The following LYPD6 variants were observed in gnomAD, a reference collection of about 807,000 sequenced individuals.
LYPD6 encodes ly6/PLAUR domain-containing protein 6.
In LYPD6, 15 loss-of-function variants were observed where a neutral mutation model predicts 22.7. The ratio of observed to expected loss-of-function variants is 0.66; its 90% CI spans 0.44 to 1.02. LYPD6 has a LOEUF of 1.02. Among genes scored for constraint, LYPD6 ranks in the 50% least tolerant of loss-of-function variants. LYPD6 has a pLI of 0.00. For synonymous variants in LYPD6, 72 were observed against 77.5 expected, an observed-to-expected ratio of 0.93 and a Z score of 0.37; for missense variants, 189 against 208.4, an observed-to-expected ratio of 0.91 and a Z score of 0.57.
At chr2:149,358,555 A>T (rs1415641771) in intron 1 of LYPD6, among the ~76,000 whole-genome samples, 3 of 152,156 alleles carry the variant, frequency 2.0e-5, no homozygotes, top group African/African-American at 4.8e-5. Flanking sequence ...AATTGGGGGA[A>T]GTTGTTTGTT....
intron 1 of LYPD6, among the ~76,000 whole-genome samples, chr2:149,379,135 C>T (rs1682002464): frequency 6.6e-6 from 1 of 152,154 alleles, no homozygotes; most frequent in African/African-American, 2.4e-5. Flanking sequence ...GGCAGGAGGG[C>T]TGTGCATCTG....
chr2:149,416,421 C>T (rs143548627), intron 1 of LYPD6, among the ~76,000 whole-genome samples: 41 of 152,210 alleles, frequency 2.7e-4, no homozygotes, highest in African/African-American at 9.1e-4. Flanking sequence ...TGGGTTGCCT[C>T]GGTTTCATAT....
chr2:149,360,370 A>T (rs1681548599), intron 1 of LYPD6, among the ~76,000 whole-genome samples: 1 of 152,188 alleles, frequency 6.6e-6, no homozygotes, highest in South Asian at 2.1e-4. Flanking sequence ...AGTAGGTCTC[A>T]GCCTTATTTT....
chr2:149,380,831 T>G (rs943033896), intron 1 of LYPD6, among the ~76,000 whole-genome samples: 1 of 152,176 alleles, frequency 6.6e-6, no homozygotes, highest in African/African-American at 2.4e-5. Flanking sequence ...GTTTAAGGAC[T>G]GACCTTTGGG....
intron 1 of LYPD6, among the ~76,000 whole-genome samples, chr2:149,367,254 A>G (rs910291988): frequency 1.3e-5 from 2 of 152,162 alleles, no homozygotes; most frequent in African/African-American, 4.8e-5. Flanking sequence ...CAACCGGGAA[A>G]GATCCACTTC....
At chr2:149,465,488 A>G (rs1681179855) in intron 3 of LYPD6, among the ~76,000 whole-genome samples, 1 of 152,170 alleles carries the variant, frequency 6.6e-6, no homozygotes. Context: ...TGCACCTGGA[A>G]AATTATTCTC....
chr2:149,483,727 G>A, the LYPD6 span, among the ~76,000 whole-genome samples: 3 of 152,272 alleles, frequency 2.0e-5, no homozygotes, highest in Admixed American at 1.3e-4. Flanking sequence ...ATATATCAAA[G>A]CATTACATTG....
the LYPD6 span, among the ~76,000 whole-genome samples, chr2:149,485,894 C>T: frequency 6.6e-6 from 1 of 152,100 alleles, no homozygotes; most frequent in Non-Finnish European, 1.5e-5. Flanking sequence ...AAAGGAGCCA[C>T]CTAATCCCGC....
chr2:149,342,197 G>A (rs777117800), intron 1 of LYPD6, among the ~76,000 whole-genome samples: 38 of 152,090 alleles, frequency 2.5e-4, no homozygotes, highest in Non-Finnish European at 3.2e-4. Context: ...TTACCCTGGG[G>A]AAGGCACAAA....
At chr2:149,392,791 T>C (rs548266264) in intron 1 of LYPD6, among the ~76,000 whole-genome samples, 97 of 152,240 alleles carry the variant, frequency 6.4e-4, no homozygotes, top group African/African-American at 2.2e-3. Context: ...TTTGGGAGGC[T>C]GAGGCGGCCG....
chr2:149,454,039 G>A (rs1680896905), intron 3 of LYPD6, among the ~76,000 whole-genome samples: 2 of 152,182 alleles, frequency 1.3e-5, no homozygotes, highest in South Asian at 4.1e-4. Flanking sequence ...TTTACAAAAA[G>A]TGCTGGTTAC....
intron 1 of LYPD6, among the ~76,000 whole-genome samples, chr2:149,435,797 C>T (rs764092559): frequency 2.0e-5 from 3 of 151,966 alleles, no homozygotes; most frequent in African/African-American, 4.8e-5. Context: ...CAGAAGATGG[C>T]GTAGTGAGCA....
chr2:149,481,556 CA>C, the LYPD6 span, among the ~76,000 whole-genome samples: 2 of 151,496 alleles, frequency 1.3e-5, no homozygotes, highest in African/African-American at 4.9e-5. Flanking sequence ...CAAAACAAAA[CA>C]AAAAACAAAT....
chr2:149,461,566 C>A (rs773500111), intron 3 of LYPD6, among the ~76,000 whole-genome samples: 63 of 151,920 alleles, frequency 4.1e-4, no homozygotes, highest in Non-Finnish European at 7.2e-4. Flanking sequence ...ATACCAAAAC[C>A]AGACCAACAC....
In LYPD6 at chr2:149,333,599, C is replaced by A. The variant is rs181334623; in HGVS notation, c.-72+2877C>A. Among the ~76,000 whole-genome samples, 372 of 152,314 alleles carry A rather than the reference C, an allele frequency of 2.4e-3. 1 individual carries two copies. The highest frequency in any genetic ancestry group is 3.8e-3 in the Non-Finnish European group (260 of 68,036). ...ATGCAGTTTTTAAAATTTATTCATG[C>A]AGCAAATATTCAGCAATTGCCTATT... is the stretch of plus-strand genomic sequence containing the variant. On this transcript the variant is annotated intron_variant, in intron 1 of 4. Coordinates refer to ENST00000334166, the MANE Select transcript of LYPD6 (RefSeq NM_194317.5).
chr2:149,382,325 G>T (rs1200699066), intron 1 of LYPD6, among the ~76,000 whole-genome samples: 1 of 152,072 alleles, frequency 6.6e-6, no homozygotes, highest in African/African-American at 2.4e-5. Context: ...TGTGCCATAC[G>T]CATAAGTAAT....
chr2:149,369,325 C>T (rs1018121659), intron 1 of LYPD6, among the ~76,000 whole-genome samples: 1 of 152,158 alleles, frequency 6.6e-6, no homozygotes, highest in African/African-American at 2.4e-5. Context: ...CACTCTGTCA[C>T]ACTAAGGTCC....
intron 1 of LYPD6, among the ~76,000 whole-genome samples, chr2:149,435,247 G>GC (rs919913595): frequency 5.9e-5 from 9 of 152,170 alleles, no homozygotes; most frequent in African/African-American, 1.7e-4. Flanking sequence ...TGTTGTATAA[G>GC]CCCCCCAGTC....
At chr2:149,359,737 A>G (rs1217499623) in intron 1 of LYPD6, among the ~76,000 whole-genome samples, 3 of 152,172 alleles carry the variant, frequency 2.0e-5, no homozygotes, top group South Asian at 2.1e-4. Flanking sequence ...TCTAATCAGC[A>G]TATCTAAAAC....
Sources: gnomAD v4.1 joint callset for allele counts (sites outside exome capture counted in the v4.1 genomes callset) on GRCh38, gnomAD v4.1.1 for gene constraint, MANE v1.5 for transcripts, NCBI Gene and HGNC (gene_info 2026-07-23, HGNC 2026-07-21) for gene names.